TBC1D5: variants seen among roughly 807,000 people sequenced by gnomAD.
TBC1D5 encodes TBC1 domain family, member 5.
A neutral mutation model predicts 100.3 loss-of-function variants in TBC1D5; 75 were observed. That is an observed-to-expected ratio of 0.75 (90% CI 0.62 to 0.91). The LOEUF (loss-of-function observed/expected upper bound fraction) is 0.91. Ranked by LOEUF, TBC1D5 falls within the 40% of genes least tolerant of loss-of-function variation. The pLI is 0.00. For missense variants in TBC1D5, 910 were observed against 942.4 expected, an observed-to-expected ratio of 0.97 and a Z score of 0.45; for synonymous variants, 323 against 325.6, an observed-to-expected ratio of 0.99 and a Z score of 0.09.
rs1575578677 is a variant in TBC1D5, at chr3:17,373,616, A to C, written c.822+855T>G. On this transcript the variant is annotated intron_variant, in intron 12 of 21. Coordinates refer to ENST00000253692, the Ensembl canonical transcript of TBC1D5. ...AAAAGTGAAAATAACCCAAATGTCCATCGACTGATGTATGGATAAACAAAA... is the reference window on the plus strand; with the variant it reads ...AAAAGTGAAAATAACCCAAATGTCCCTCGACTGATGTATGGATAAACAAAA... Among the ~76,000 whole-genome samples, 3 of 152,334 alleles carry C rather than the reference A, an allele frequency of 2.0e-5. No homozygotes were observed. The South Asian group carries it at 6.2e-4, about 32-fold the overall frequency.
intron 2 of TBC1D5, among the ~76,000 whole-genome samples, chr3:17,611,596 G>T (rs147043230): frequency 6.6e-6 from 1 of 152,184 alleles, no homozygotes; most frequent in African/African-American, 2.4e-5. Context: ...GAAGATGGGG[G>T]GACAAAAGAC....
intron 3 of TBC1D5, among the ~76,000 whole-genome samples, chr3:17,438,725 C>A (rs986782926): frequency 6.6e-6 from 1 of 152,244 alleles, no homozygotes; most frequent in South Asian, 2.1e-4. Context: ...TCCTTCACTC[C>A]AATTTTATCT....
At chr3:17,550,778 A>G (rs1415324652) in intron 2 of TBC1D5, among the ~76,000 whole-genome samples, 1 of 152,180 alleles carries the variant, frequency 6.6e-6, no homozygotes, top group Non-Finnish European at 1.5e-5. Context: ...AAGATAAAGC[A>G]CTTACATATC....
At chr3:17,627,592 C>T (rs759908283) in intron 1 of TBC1D5, among the ~76,000 whole-genome samples, 9 of 151,140 alleles carry the variant, frequency 6.0e-5, no homozygotes, top group Non-Finnish European at 1.0e-4. Flanking sequence ...AAAAACTTTA[C>T]CCAACATTGT....
chr3:17,570,574 A>G (rs1479066944), intron 2 of TBC1D5, among the ~76,000 whole-genome samples: 1 of 152,052 alleles, frequency 6.6e-6, no homozygotes, highest in Non-Finnish European at 1.5e-5. Context: ...ATTTTACTGT[A>G]TGTATTGTAT....
chr3:17,697,100 T>A (rs555264821), intron 1 of TBC1D5, among the ~76,000 whole-genome samples: 1 of 152,302 alleles, frequency 6.6e-6, no homozygotes, highest in South Asian at 2.1e-4. Context: ...TGATGGAACA[T>A]ATCACAAAAT....
chr3:17,551,385 T>C (rs1247846444), intron 2 of TBC1D5, among the ~76,000 whole-genome samples: 1 of 152,156 alleles, frequency 6.6e-6, no homozygotes, highest in Non-Finnish European at 1.5e-5. Context: ...TACTCCTCTT[T>C]AATTTATTAC....
chr3:17,729,819 T>C lies in TBC1D5; in HGVS notation c.-101+9524A>G, dbSNP rs151123491. 9.2e-3 allele frequency among the ~76,000 whole-genome samples: 1,388 copies of C among 151,550 alleles called. 13 individuals are homozygous for C. Among genetic ancestry groups the C allele is most frequent in the Middle Eastern group, 0.038 (11 of 288 alleles). ...CAAAGGTCACTTTTTAAAATTGTAC[T>C]TAATGTTGGTCAGGCATGGTGGCTC... On this transcript the variant is annotated intron_variant, in intron 1 of 21. Coordinates refer to ENST00000253692, the Ensembl canonical transcript of TBC1D5.
At chr3:17,164,232 T>C (rs951763209) in intron 21 of TBC1D5, among the ~76,000 whole-genome samples, 3 of 152,214 alleles carry the variant, frequency 2.0e-5, no homozygotes, top group Admixed American at 1.3e-4. Flanking sequence ...AAGAACACTT[T>C]CACAGTTGCT....
At chr3:17,229,736 G>T (rs1482637635) in intron 17 of TBC1D5, among the ~76,000 whole-genome samples, 3 of 152,092 alleles carry the variant, frequency 2.0e-5, no homozygotes, top group Non-Finnish European at 4.4e-5. Flanking sequence ...CAGTGATGGA[G>T]CCTGAATTCA....
In TBC1D5 at chr3:17,429,914, T is replaced by A. The variant is rs1012521450; in HGVS notation, c.98-1395A>T. 4.0e-5 allele frequency among the ~76,000 whole-genome samples: 6 copies of A among 151,612 alleles called. No individual in the cohort carries two copies. In the South Asian group the frequency reaches 1.2e-3, roughly 31 times the overall value. ...TCTTTTTTCAAAATATTGTTCCAGT[T>A]TATTTTGTTTTTTGAAAAAACAAAA... is the stretch of plus-strand genomic sequence containing the variant. On this transcript the variant is annotated intron_variant, in intron 3 of 21. Coordinates refer to ENST00000253692, the Ensembl canonical transcript of TBC1D5.
At chr3:17,521,868 G>A (rs1202241057) in intron 2 of TBC1D5, among the ~76,000 whole-genome samples, 1 of 152,012 alleles carries the variant, frequency 6.6e-6, no homozygotes, top group Non-Finnish European at 1.5e-5. Context: ...AATGCAAAAT[G>A]TGAAAATATG....
intron 1 of TBC1D5, among the ~76,000 whole-genome samples, chr3:17,698,050 T>C (rs2072437325): frequency 6.6e-6 from 1 of 151,638 alleles, no homozygotes; most frequent in Non-Finnish European, 1.5e-5. Context: ...TACTTTCAAG[T>C]TCATATGGAA....
At chr3:17,367,983 T>C (rs928759606) in intron 13 of TBC1D5, among the ~76,000 whole-genome samples, 1 of 131,974 alleles carries the variant, frequency 7.6e-6, no homozygotes, top group Admixed American at 7.6e-5. Flanking sequence ...ACCTTTAGGA[T>C]ATATTATTTT....
chr3:17,446,474 A>T (rs2094797365), intron 3 of TBC1D5, among the ~76,000 whole-genome samples: 1 of 152,114 alleles, frequency 6.6e-6, no homozygotes, highest in Non-Finnish European at 1.5e-5. Context: ...AAAAAAAAAA[A>T]TAGGAGAGGA....
intron 14 of TBC1D5, 97 bp from the exon 15 acceptor site, chr3:17,292,098 C>A: frequency 2.9e-6 from 3 of 1,019,858 alleles, no homozygotes; most frequent in South Asian, 1.6e-5. Flanking sequence ...TCAATGAAAG[C>A]AAACCAATAA....
intron 18 of TBC1D5, among the ~76,000 whole-genome samples, chr3:17,196,670 T>C (rs764723829): frequency 6.6e-6 from 1 of 152,220 alleles, no homozygotes; most frequent in African/African-American, 2.4e-5. Context: ...ATACTTTGGG[T>C]ATATGTTGAC....
At chr3:17,163,729 CTCTG>C (rs1559330001) in intron 21 of TBC1D5, among the ~76,000 whole-genome samples, 1 of 152,212 alleles carries the variant, frequency 6.6e-6, no homozygotes, top group Non-Finnish European at 1.5e-5. Flanking sequence ...TGGAAACGTT[CTCTG>C]TCTGTGCTAC....
chr3:17,165,912 C>T (rs1016979232), intron 21 of TBC1D5, among the ~76,000 whole-genome samples: 3 of 152,148 alleles, frequency 2.0e-5, no homozygotes, highest in Non-Finnish European at 4.4e-5. Flanking sequence ...AGGCTAAGTG[C>T]CTCTGGCTTC....
Sources: gnomAD v4.1 joint callset for allele counts (sites outside exome capture counted in the v4.1 genomes callset) on GRCh38, gnomAD v4.1.1 for gene constraint, MANE v1.5 for transcripts, NCBI Gene and HGNC (gene_info 2026-07-23, HGNC 2026-07-21) for gene names.